Variants in NINJ2 observed in about 807,000 individuals in gnomAD.
NINJ2 encodes ninjurin-2.
NINJ2 carries 12 observed loss-of-function variants against 11.7 expected under a neutral mutation model. The observed-to-expected ratio is 1.02, with a 90% CI of 0.66 to 1.66. The LOEUF (loss-of-function observed/expected upper bound fraction) is 1.66. Ranked by LOEUF, NINJ2 falls within the 40% of genes most tolerant of loss-of-function variation. NINJ2 has a pLI of 0.00. For missense variants in NINJ2, 187 were observed against 181.8 expected, an observed-to-expected ratio of 1.03 and a Z score of -0.16; for synonymous variants, 93 against 76.8, an observed-to-expected ratio of 1.21 and a Z score of -1.10.
intron 1 of NINJ2, among the ~76,000 whole-genome samples, chr12:600,757 C>T (rs989798315): frequency 4.0e-5 from 6 of 151,236 alleles, no homozygotes; most frequent in East Asian, 3.9e-4. Flanking sequence ...TCATAGCTCA[C>T]GGCAACCTTG....
intron 1 of NINJ2, among the ~76,000 whole-genome samples, chr12:584,677 G>A (rs757528852): frequency 1.3e-5 from 2 of 151,896 alleles, no homozygotes; most frequent in Non-Finnish European, 2.9e-5. Flanking sequence ...GTGGTGGCGG[G>A]TGCCTGTAAT....
intron 1 of NINJ2, among the ~76,000 whole-genome samples, chr12:613,720 A>C (rs1948060053): frequency 6.6e-6 from 1 of 151,970 alleles, no homozygotes; most frequent in African/African-American, 2.4e-5. Context: ...CCTGGCTAAT[A>C]CGGTGAAACC....
chr12:610,945 G>T (rs1948020724), intron 1 of NINJ2, among the ~76,000 whole-genome samples: 1 of 152,004 alleles, frequency 6.6e-6, no homozygotes. Flanking sequence ...ATGTTGGCCA[G>T]GCTGGTCTCA....
rs183255972 is a variant in NINJ2 at position 585,388 on chromosome 12, A to G, written c.34-19210T>C. ...GGAAAGAGTAGGTTCGCCGGGGACAATCCCACACCAGGAAGCCCCACGATT... is the reference window on the plus strand; with the variant it reads ...GGAAAGAGTAGGTTCGCCGGGGACAGTCCCACACCAGGAAGCCCCACGATT... On this transcript the variant is annotated intron_variant, in intron 1 of 3. Transcript: ENST00000305108. This position sits in a 1 kb window ranked among gnomAD's most constrained non-coding sequence, Gnocchi z 4.1. Among the ~76,000 whole-genome samples the G allele has an allele frequency of 4.3e-4, 65 of 152,298 alleles. No homozygotes were observed. Among genetic ancestry groups the G allele is most frequent in the Non-Finnish European group, 8.2e-4 (56 of 68,030 alleles).
intron 1 of NINJ2, among the ~76,000 whole-genome samples, chr12:571,672 T>C (rs1210974141): frequency 1.3e-5 from 2 of 152,248 alleles, no homozygotes; most frequent in Non-Finnish European, 2.9e-5. Flanking sequence ...CCCTTAATCC[T>C]TGTTGGCCTA....
chr12:644,152 T>C (rs1937637292), intron 1 of NINJ2: 1 of 154,842 alleles, frequency 6.5e-6, no homozygotes, highest in Admixed American at 6.5e-5. Flanking sequence ...TGACCTTTCG[T>C]CACCTTAATA....
At chr12:587,495 C>T (rs906303433) in intron 1 of NINJ2, among the ~76,000 whole-genome samples, 1 of 152,250 alleles carries the variant, frequency 6.6e-6, no homozygotes, top group Non-Finnish European at 1.5e-5. Flanking sequence ...TAAGGACACG[C>T]AAAGGGAGCC....
chr12:663,267 G>T, intron 1 of NINJ2, 61 bp downstream of exon 1: 1 of 1,485,340 alleles, frequency 6.7e-7, no homozygotes, highest in Non-Finnish European at 9.3e-7. Context: ...TCAATCCTCT[G>T]TTCTTCCAGC....
chr12:616,615 G>A (rs1948094394), intron 1 of NINJ2, among the ~76,000 whole-genome samples: 1 of 152,208 alleles, frequency 6.6e-6, no homozygotes, highest in Admixed American at 6.5e-5. Flanking sequence ...CCTCCAAATA[G>A]GAAAGAGGCC....
At chr12:637,084 C>T (rs1948361412) in intron 1 of NINJ2, among the ~76,000 whole-genome samples, 1 of 152,236 alleles carries the variant, frequency 6.6e-6, no homozygotes, top group Non-Finnish European at 1.5e-5. Flanking sequence ...GGCACAGTGG[C>T]TCACACCTGT....
At chr12:618,511 T>G (rs2120367042) in intron 1 of NINJ2, among the ~76,000 whole-genome samples, 1 of 152,288 alleles carries the variant, frequency 6.6e-6, no homozygotes, top group Non-Finnish European at 1.5e-5. Flanking sequence ...TTGTGCCTGA[T>G]CTGTCTATTT....
intron 1 of NINJ2, among the ~76,000 whole-genome samples, chr12:579,967 A>C (rs1434595077): frequency 6.6e-6 from 1 of 152,176 alleles, no homozygotes; most frequent in Non-Finnish European, 1.5e-5. Context: ...GAATAAGAGA[A>C]TAAGCACTGG....
intron 1 of NINJ2, among the ~76,000 whole-genome samples, chr12:646,968 G>A (rs1404111236): frequency 6.6e-6 from 1 of 152,166 alleles, no homozygotes; most frequent in Non-Finnish European, 1.5e-5. Flanking sequence ...GCTGTTCCAG[G>A]ATACTGGGAG....
chr12:648,599 G>C (rs1937732729), intron 1 of NINJ2, among the ~76,000 whole-genome samples: 1 of 152,168 alleles, frequency 6.6e-6, no homozygotes, highest in Admixed American at 6.5e-5. Context: ...TCAGATAGAG[G>C]TCCAGGAAAG....
At chr12:661,464 T>C (rs1937957716) in intron 1 of NINJ2, among the ~76,000 whole-genome samples, 1 of 152,200 alleles carries the variant, frequency 6.6e-6, no homozygotes, top group Admixed American at 6.5e-5. Context: ...AATAGCATAT[T>C]AGAAGAGAGT....
intron 1 of NINJ2, among the ~76,000 whole-genome samples, chr12:622,787 TTTTTAA>T (rs1948169258): frequency 6.6e-6 from 1 of 152,126 alleles, no homozygotes. Context: ...TTTTCTTTTT[TTTTTAA>T]TTTTAATTTT....
chr12:607,801 G>T (rs143751273), intron 1 of NINJ2, among the ~76,000 whole-genome samples: 210 of 152,318 alleles, frequency 1.4e-3, no homozygotes, highest in African/African-American at 4.8e-3. Flanking sequence ...AGGACTGGGG[G>T]TGGAAGGGGA....
intron 1 of NINJ2, among the ~76,000 whole-genome samples, chr12:651,350 T>C (rs191798593): frequency 5.1e-4 from 78 of 152,262 alleles, no homozygotes; most frequent in Middle Eastern, 3.4e-3. Context: ...GAAGATCCGA[T>C]TGCAGCGCAC....
At chr12:649,363 A>T (rs1467266369) in intron 1 of NINJ2, among the ~76,000 whole-genome samples, 3 of 152,068 alleles carry the variant, frequency 2.0e-5, no homozygotes, top group Non-Finnish European at 4.4e-5. Flanking sequence ...TCACATTTCT[A>T]GTCTTGGAGC....
Sources: allele counts gnomAD v4.1 joint callset (sites outside exome capture counted in the v4.1 genomes callset), GRCh38; gene constraint gnomAD v4.1.1; non-coding constraint Gnocchi (gnomAD v3.1); transcripts MANE v1.5; gene names NCBI Gene and HGNC (gene_info 2026-07-23, HGNC 2026-07-21).